ZNF573: variants seen among roughly 807,000 people sequenced by gnomAD.
The protein encoded by ZNF573 is zinc finger protein 573.
In ZNF573, 41 loss-of-function variants were observed where a neutral mutation model predicts 57.4. That is an observed-to-expected ratio of 0.71 (90% CI 0.56 to 0.93). The LOEUF (loss-of-function observed/expected upper bound fraction) is 0.93, where lower values mean the gene tolerates loss of function less well. Ranked by LOEUF, ZNF573 falls within the 40% of genes least tolerant of loss-of-function variation. The pLI is 0.00. For missense variants in ZNF573, 730 were observed against 794.8 expected (o/e 0.92, Z 0.98); for synonymous variants, 249 against 261.0 (o/e 0.95, Z 0.44).
rs1341191626 is a variant in ZNF573, at chr19:37,770,100, T to C, written c.203-3A>G. 1 of 1,540,896 alleles carries C rather than the reference T, an allele frequency of 6.5e-7. No individual in the cohort carries two copies. The highest frequency in any genetic ancestry group is 8.7e-7 in the Non-Finnish European group (1 of 1,143,516). The stretch of plus-strand genomic sequence containing the variant: ...TGGTTTAGAAATGGAATGTCCTCCT[T>C]ATAAGAAAAGAAATGCCACATGGTA... On this transcript the variant is annotated splice_polypyrimidine_tract_variant and splice_region_variant and intron_variant, in intron 3 of 4. Coordinates refer to ENST00000536220, the MANE Select transcript of ZNF573 (RefSeq NM_001172690.2).
At chr19:37,755,573 G>C (rs2045479849) in intron 4 of ZNF573, among the ~76,000 whole-genome samples, 1 of 151,786 alleles carries the variant, frequency 6.6e-6, no homozygotes, top group East Asian at 1.9e-4. Context: ...TGAAGCAAGG[G>C]GCCAAAATAA....
At chr19:37,745,587 G>C (rs562661641) in intron 4 of ZNF573, among the ~76,000 whole-genome samples, 7 of 151,864 alleles carry the variant, frequency 4.6e-5, no homozygotes, top group African/African-American at 1.7e-4. Flanking sequence ...GTAGAGACAG[G>C]GTTTCACCAT....
chr19:37,739,179 A>G lies in ZNF573; in HGVS notation c.1311T>C (p.Thr437=). The G allele has an allele frequency of 6.2e-7, 1 of 1,612,338 alleles. No individual in the cohort carries two copies. The highest frequency in any genetic ancestry group is 1.7e-5 in the Admixed American group (1 of 59,668). ...CCTTACATTCAAAGTGTTTCATGCC[A>G]GTATGAATTTTCTGATGTTGTTTAA... ...GYLKQHQKIH[T]GMKHFECKEC... is the part of the protein sequence containing the mutation. The change falls in exon 5 of 5, where the codon ACT becomes ACC. Residue 437 remains threonine, a synonymous_variant. Transcript: ENST00000536220.
intron 2 of ZNF573, 106 bp downstream of exon 2, chr19:37,773,555 C>T: frequency 2.6e-6 from 2 of 768,856 alleles, no homozygotes; most frequent in Admixed American, 5.2e-5. Flanking sequence ...AAAGTGGGGA[C>T]AGATAACTGA....
chr19:37,767,233 C>T (rs1393063405), intron 4 of ZNF573, among the ~76,000 whole-genome samples: 2 of 144,638 alleles, frequency 1.4e-5, no homozygotes, highest in African/African-American at 5.0e-5. Context: ...AGATTCATTC[C>T]TTTTTTTTTT....
chr19:37,762,162 A>C (rs1434160052), intron 4 of ZNF573, among the ~76,000 whole-genome samples: 1 of 152,206 alleles, frequency 6.6e-6, no homozygotes, highest in East Asian at 1.9e-4. Flanking sequence ...AATCATAAGG[A>C]AGTGATAATA....
At chr19:37,750,137 C>T (rs1225438136) in intron 4 of ZNF573, among the ~76,000 whole-genome samples, 2 of 150,504 alleles carry the variant, frequency 1.3e-5, no homozygotes, top group East Asian at 3.9e-4. Context: ...GGCTGGGGTG[C>T]AGTGGCACGA....
rs1011436332 is a variant in ZNF573 at position 37,772,639 on chromosome 19, C to CT, written c.70-944dup. The stretch of plus-strand genomic sequence containing the variant: ...TTTACCTCGTGTACATTTTTTAAAT[C>CT]TTTTTTTTTTTTTTGAGACAGGCTC... On this transcript the variant is annotated intron_variant, in intron 2 of 4. Coordinates refer to ENST00000536220, the MANE Select transcript of ZNF573 (RefSeq NM_001172690.2). Among the ~76,000 whole-genome samples the CT allele has an allele frequency of 4.6e-3, 634 of 138,362 alleles. 1 individual carries two copies. Among genetic ancestry groups the CT allele is most frequent in the Middle Eastern group, 7.8e-3 (2 of 258 alleles). 90.8% of individuals were successfully genotyped at this position (138,362 alleles called of 152,430 possible). A position where few individuals can be genotyped will look rare whatever the true frequency, so the allele number is the denominator to read the frequency against.
Position 37,738,510 on chromosome 19 carries a change from A to G in ZNF573, c.1980T>C (p.His660=), listed in dbSNP as rs756522062. ...GSALKAHQRI[H]RSIKV is the part of the protein sequence containing the mutation. ...TACGGTCTTACACTTTTATGCTCCT[A>G]TGAATTCTCTGATGGGCTTTAAGGG... The change falls in exon 5 of 5, where the codon CAT becomes CAC. Residue 660 remains histidine, a synonymous_variant. Transcript: ENST00000536220. The G allele has an allele frequency of 1.1e-5, 17 of 1,539,228 alleles. No individual in the cohort carries two copies. The highest frequency in any genetic ancestry group is 2.8e-5 in the African/African-American group (2 of 72,258).
At chr19:37,770,832 T>TTATATATATATA (rs58757674) in intron 3 of ZNF573, among the ~76,000 whole-genome samples, 1,484 of 93,358 alleles carry the variant, frequency 0.016, 72 homozygotes, top group African/African-American at 0.028. Flanking sequence ...TTAAGTTATT[T>TTATATATATATA]TATATATATA....
chr19:37,773,840 C>T (rs2045681735), intron 1 of ZNF573, 89 bp from the exon 2 acceptor site: 1 of 790,592 alleles, frequency 1.3e-6, no homozygotes, highest in African/African-American at 1.7e-5. Flanking sequence ...CCAAATTAAT[C>T]CCTCACAACT....
Position 37,769,998 on chromosome 19 carries a change from T to C in ZNF573, c.295+7A>G. On this transcript the variant is annotated splice_region_variant and intron_variant, in intron 4 of 4. Coordinates refer to ENST00000536220, the MANE Select transcript of ZNF573 (RefSeq NM_001172690.2). Reference sequence around the variant, plus strand: ...CCGGCCCTGATGGTGTCCCCTGCCTTCCTTACCTGTGAACTGTGTTTCTTC... The same window carrying C: ...CCGGCCCTGATGGTGTCCCCTGCCTCCCTTACCTGTGAACTGTGTTTCTTC... 6.4e-7 allele frequency: 1 copy of C among 1,551,110 alleles called. No homozygotes were observed. The highest frequency in any genetic ancestry group is 8.7e-7 in the Non-Finnish European group (1 of 1,146,646).
chr19:37,746,187 T>C (rs543314336), intron 4 of ZNF573, among the ~76,000 whole-genome samples: 2 of 152,306 alleles, frequency 1.3e-5, no homozygotes, highest in South Asian at 2.1e-4. Flanking sequence ...CACTGTGATA[T>C]GATAAAATAA....
chr19:37,767,306 G>A (rs903541427), intron 4 of ZNF573, among the ~76,000 whole-genome samples: 4 of 151,812 alleles, frequency 2.6e-5, no homozygotes, highest in Non-Finnish European at 4.4e-5. Flanking sequence ...TCGGCAAACT[G>A]CAAGCTCCGC....
At chr19:37,746,687 A>C (rs1253820420) in intron 4 of ZNF573, among the ~76,000 whole-genome samples, 2 of 151,798 alleles carry the variant, frequency 1.3e-5, no homozygotes, top group African/African-American at 4.8e-5. Context: ...TCAAGCGATT[A>C]TCCTGCCTCA....
chr19:37,742,188 A>G (rs997573603), intron 4 of ZNF573, among the ~76,000 whole-genome samples: 3 of 152,232 alleles, frequency 2.0e-5, no homozygotes, highest in African/African-American at 7.2e-5. Flanking sequence ...ACACAAATAA[A>G]TGGAAAAAGA....
intron 4 of ZNF573, among the ~76,000 whole-genome samples, chr19:37,768,314 C>G (rs904894528): frequency 6.6e-6 from 1 of 152,128 alleles, no homozygotes; most frequent in African/African-American, 2.4e-5. Context: ...CTACGCCTAA[C>G]AATGTGACCT....
intron 4 of ZNF573, among the ~76,000 whole-genome samples, chr19:37,762,485 T>C (rs567240199): frequency 6.6e-6 from 1 of 152,202 alleles, no homozygotes; most frequent in South Asian, 2.1e-4. Context: ...TTAAACAGAA[T>C]GGGAATCCCA....
intron 4 of ZNF573, among the ~76,000 whole-genome samples, chr19:37,767,300 C>A (rs1220219738): frequency 1.3e-5 from 2 of 151,988 alleles, no homozygotes; most frequent in Non-Finnish European, 2.9e-5. Flanking sequence ...GCGATCTCGG[C>A]AAACTGCAAG....
Sources: gnomAD v4.1 joint callset for allele counts (sites outside exome capture counted in the v4.1 genomes callset) on GRCh38, gnomAD v4.1.1 for gene constraint, MANE v1.5 for transcripts, NCBI Gene and HGNC (gene_info 2026-07-23, HGNC 2026-07-21) for gene names.